SMIM14: variants seen among roughly 807,000 people sequenced by gnomAD.
SMIM14 encodes the protein chromosome 4 open reading frame 34.
A neutral mutation model predicts 12.6 loss-of-function variants in SMIM14; 5 were observed. The observed-to-expected ratio is 0.40, with a 90% CI of 0.21 to 0.83. The LOEUF (loss-of-function observed/expected upper bound fraction) is 0.83. Ranked by LOEUF, SMIM14 falls within the 40% of genes least tolerant of loss-of-function variation. SMIM14 has a pLI of 0.37. For missense variants in SMIM14, 86 were observed against 119.1 expected, an observed-to-expected ratio of 0.72 and a Z score of 1.29; for synonymous variants, 30 against 40.1, an observed-to-expected ratio of 0.75 and a Z score of 0.95.
chr4:39,638,484 C>T, intron 1 of SMIM14: 2 of 985,476 alleles, frequency 2.0e-6, no homozygotes, highest in Non-Finnish European at 2.4e-6. Context: ...TTGCCCTTGC[C>T]TGCAAAGCCC....
intron 1 of SMIM14, among the ~76,000 whole-genome samples, chr4:39,615,987 A>T (rs755793045): frequency 2.0e-5 from 3 of 152,244 alleles, no homozygotes; most frequent in Admixed American, 6.5e-5. Context: ...AAGCAATGAA[A>T]CATACTATGT....
rs1279924749 is a variant in SMIM14 at position 39,558,250 on chromosome 4, G to A, written c.125-1680C>T. The stretch of plus-strand genomic sequence containing the variant: ...CGCCTGTAATCCCAGCACTTTGGAA[G>A]GCCAAGATGGGTGGATTGCTTGAGC... On this transcript the variant is annotated intron_variant, in intron 3 of 4. Coordinates refer to ENST00000295958, the MANE Select transcript of SMIM14 (RefSeq NM_174921.3). This position sits in a 1 kb window ranked among gnomAD's most constrained non-coding sequence, Gnocchi z 4.3. Among the ~76,000 whole-genome samples, 1 of 152,228 alleles carries A rather than the reference G, an allele frequency of 6.6e-6. No individual in the cohort carries two copies. The highest frequency in any genetic ancestry group is 1.5e-5 in the Non-Finnish European group (1 of 68,050).
At chr4:39,628,609 T>C (rs1715788175) in intron 1 of SMIM14, among the ~76,000 whole-genome samples, 2 of 150,376 alleles carry the variant, frequency 1.3e-5, no homozygotes, top group African/African-American at 4.9e-5. Context: ...TTGAACCTGG[T>C]AGGAGGAGGT....
At chr4:39,581,868 CTT>C (rs1713523359) in intron 2 of SMIM14, among the ~76,000 whole-genome samples, 1 of 143,358 alleles carries the variant, frequency 7.0e-6, no homozygotes, top group Non-Finnish European at 1.5e-5. Context: ...CAGCAAATGT[CTT>C]TTCTTTTTTT....
chr4:39,590,500 A>C (rs1159645771), intron 2 of SMIM14, among the ~76,000 whole-genome samples: 2 of 149,590 alleles, frequency 1.3e-5, no homozygotes, highest in Admixed American at 6.7e-5. Flanking sequence ...CTACTACATC[A>C]CTAAAAATCC....
intron 2 of SMIM14, among the ~76,000 whole-genome samples, chr4:39,582,491 CCT>C: frequency 6.6e-6 from 1 of 150,916 alleles, no homozygotes; most frequent in South Asian, 2.1e-4. Flanking sequence ...ATGGTGAAAC[CCT>C]GTCTCTACTA....
At chr4:39,633,222 A>G (rs940202708) in intron 1 of SMIM14, among the ~76,000 whole-genome samples, 4 of 151,850 alleles carry the variant, frequency 2.6e-5, no homozygotes, top group African/African-American at 9.7e-5. Context: ...TGAACCCGGG[A>G]GGCAGAGGTT....
chr4:39,554,830 ATTTTT>A (rs34845808), intron 4 of SMIM14, among the ~76,000 whole-genome samples: 1 of 124,020 alleles, frequency 8.1e-6, no homozygotes, highest in Non-Finnish European at 1.7e-5. Context: ...AATTCATGGA[ATTTTT>A]TTTTTTTTTT....
At chr4:39,557,015 AT>A (rs1173457845) in intron 3 of SMIM14, among the ~76,000 whole-genome samples, 4,356 of 134,768 alleles carry the variant, frequency 0.032, 151 homozygotes, top group African/African-American at 0.1. Context: ...GTCTCTAACA[AT>A]TTTTTTTTTT....
At chr4:39,599,666 G>A (rs1246429043) in intron 2 of SMIM14, among the ~76,000 whole-genome samples, 2 of 152,176 alleles carry the variant, frequency 1.3e-5, no homozygotes, top group East Asian at 3.8e-4. Context: ...GCTCACACCT[G>A]TAATCCCAGC....
intron 2 of SMIM14, chr4:39,593,134 C>T (rs1473421901): frequency 6.6e-6 from 1 of 151,896 alleles, no homozygotes; most frequent in Admixed American, 6.6e-5. Flanking sequence ...CCTTGATGAA[C>T]ATTGATGCAA....
rs139029356 is a variant in SMIM14 at position 39,610,996 on chromosome 4, C to T, written c.-35-5816G>A. 5.9e-5 allele frequency among the ~76,000 whole-genome samples: 9 copies of T among 152,026 alleles called. No homozygotes were observed. In the Middle Eastern group the frequency reaches 0.02, roughly 345 times the overall value. On this transcript the variant is annotated intron_variant, in intron 1 of 4. Coordinates refer to ENST00000295958, the MANE Select transcript of SMIM14 (RefSeq NM_174921.3). The stretch of plus-strand genomic sequence containing the variant: ...AGTTTCTATAAAACCAAAAATACAC[C>T]ATAAAATGAAAATACAACAAACTTG...
At chr4:39,636,261 A>C (rs912613253) in intron 1 of SMIM14, among the ~76,000 whole-genome samples, 3 of 151,730 alleles carry the variant, frequency 2.0e-5, no homozygotes, top group Non-Finnish European at 4.4e-5. Flanking sequence ...ACATCTGATC[A>C]GCATTTGGAA....
At chr4:39,576,348 G>A (rs939318302) in intron 2 of SMIM14, among the ~76,000 whole-genome samples, 1 of 151,836 alleles carries the variant, frequency 6.6e-6, no homozygotes, top group African/African-American at 2.4e-5. Context: ...GGAAGACAGA[G>A]GCAGTGACAC....
intron 3 of SMIM14, among the ~76,000 whole-genome samples, chr4:39,560,279 C>T (rs1347249513): frequency 7.2e-6 from 1 of 138,186 alleles, no homozygotes; most frequent in Non-Finnish European, 1.5e-5. Flanking sequence ...GATGGAATCT[C>T]GTTCTGTCAC....
At chr4:39,573,244 C>T (rs770926571) in intron 2 of SMIM14, among the ~76,000 whole-genome samples, 11 of 151,952 alleles carry the variant, frequency 7.2e-5, no homozygotes, top group Non-Finnish European at 1.0e-4. Context: ...TACAGGCACC[C>T]GCCACCACAC....
intron 1 of SMIM14, among the ~76,000 whole-genome samples, chr4:39,636,308 C>T (rs115505530): frequency 2.6e-5 from 4 of 151,968 alleles, no homozygotes; most frequent in Admixed American, 2.0e-4. Context: ...AATCTTTACC[C>T]GAATCAAACC....
At chr4:39,638,668 G>A (rs1011035493) in intron 1 of SMIM14, 71 bp downstream of exon 1, 17 of 977,426 alleles carry the variant, frequency 1.7e-5, no homozygotes, top group South Asian at 9.4e-5. Context: ...AGCCTGAGGA[G>A]CCCCCAGGAA....
intron 1 of SMIM14, among the ~76,000 whole-genome samples, chr4:39,624,175 C>A (rs1026670439): frequency 3.3e-5 from 5 of 152,148 alleles, no homozygotes; most frequent in Non-Finnish European, 7.4e-5. Context: ...TTACAAAATA[C>A]TCAAAACTGG....
Sources: gnomAD v4.1 joint callset for allele counts (sites outside exome capture counted in the v4.1 genomes callset) on GRCh38, gnomAD v4.1.1 for gene constraint, Gnocchi (gnomAD v3.1) non-coding constraint, MANE v1.5 for transcripts, NCBI Gene and HGNC (gene_info 2026-07-23, HGNC 2026-07-21) for gene names.